Variants in PDPK1 observed in about 807,000 individuals in gnomAD.
PDPK1 encodes 3-phosphoinositide dependent protein kinase 1, also known as 3-phosphoinositide-dependent protein kinase 1.
In PDPK1, 7 loss-of-function variants were observed where a neutral mutation model predicts 39.8. The observed-to-expected ratio is 0.18, with a 90% CI of 0.10 to 0.33. The LOEUF is 0.33. Ranked by LOEUF, PDPK1 falls within the 10% of genes least tolerant of loss-of-function variation. The pLI, the probability that PDPK1 is intolerant of heterozygous loss-of-function variation, is 1.00. For synonymous variants in PDPK1, 118 were observed against 159.1 expected (o/e 0.74, Z 1.95); for missense variants, 182 against 384.7 (o/e 0.47, Z 4.41).
intron 1 of PDPK1, chr16:2,539,547 A>C (rs2066206248): frequency 6.6e-6 from 1 of 152,202 alleles, no homozygotes; most frequent in Admixed American, 6.5e-5. Context: ...AACTTTCTGC[A>C]GCTCACTCGT....
chr16:2,552,432 A>C lies in PDPK1; in HGVS notation c.25-5271A>C, dbSNP rs1399321868. Among the ~76,000 whole-genome samples the C allele has an allele frequency of 4.0e-5, 6 of 151,812 alleles. 1 individual carries two copies. Among genetic ancestry groups the C allele is most frequent in the Admixed American group, 1.3e-4 (2 of 15,234 alleles). On this transcript the variant is annotated intron_variant, in intron 1 of 13. Transcript: ENST00000342085. ...CATTTTTACAAGTTCCAATTTGTTT[A>C]AAACTCAGGGTTTGTTTTCCTATCA...
chr16:2,601,555 A>T lies in PDPK1; in HGVS notation c.*3788A>T, dbSNP rs570686169. 8 of 234,498 alleles carry T rather than the reference A, an allele frequency of 3.4e-5. No homozygotes were observed. Among genetic ancestry groups the T allele is most frequent in the African/African-American group, 1.5e-4 (7 of 45,458 alleles). 14.5% of individuals were successfully genotyped at this position (234,498 alleles called of 1,614,324 possible). ...ACAAGTGTTGAACTGACCTTGCCAC[A>T]TGCTTAGTGAGTGATTTGTAATTAA... On this transcript the variant is annotated 3_prime_UTR_variant, in exon 14 of 14. Coordinates refer to ENST00000342085, the MANE Select transcript of PDPK1 (RefSeq NM_002613.5).
At chr16:2,586,979 C>CA (rs1488867295) in intron 11 of PDPK1, 86 bp downstream of exon 11, 1 of 1,117,138 alleles carries the variant, frequency 9.0e-7, no homozygotes, top group African/African-American at 1.5e-5. Flanking sequence ...TTTGCCTTGT[C>CA]ACTGCCTCCC....
Position 2,603,186 on chromosome 16 carries a change from G to A in PDPK1, c.*5419G>A, listed in dbSNP as rs2067255775. 1 of 211,120 alleles carries A rather than the reference G, an allele frequency of 4.7e-6. No homozygotes were observed. The highest frequency in any genetic ancestry group is 5.9e-5 in the Admixed American group (1 of 17,014). The allele number at this position is 211,120 out of a possible 1,614,324, so 13.1% of individuals were successfully genotyped here. On this transcript the variant is annotated 3_prime_UTR_variant, in exon 14 of 14. Transcript: ENST00000342085. ...TCTTGTAATAAAAAGCATGTAGAGT[G>A]TAGAGGTTTGCTGGCGTGGCTCTTC...
At chr16:2,541,555 G>A (rs1388548245) in intron 1 of PDPK1, among the ~76,000 whole-genome samples, 1 of 152,196 alleles carries the variant, frequency 6.6e-6, no homozygotes, top group East Asian at 1.9e-4. Flanking sequence ...GAGAAGCCCT[G>A]GGTGCAGAAA....
Position 2,597,068 on chromosome 16 carries a change from G to A in PDPK1, c.1402-55G>A. The A allele has an allele frequency of 6.9e-7, 1 of 1,452,090 alleles. No homozygotes were observed. Among genetic ancestry groups the A allele is most frequent in the Non-Finnish European group, 9.3e-7 (1 of 1,079,344 alleles). The allele number at this position is 1,452,090 out of a possible 1,614,324, so 90.0% of individuals were successfully genotyped here. On this transcript the variant is annotated intron_variant, in intron 12 of 13. Transcript: ENST00000342085. This position sits in a 1 kb window ranked among gnomAD's most constrained non-coding sequence, Gnocchi z 6.3. The stretch of plus-strand genomic sequence containing the variant: ...GGGCCGCCCAGCCCTCTAGGCTCCA[G>A]GAGATGCCGTCAGCACTGGCCTCTG...
rs2066168847 is a variant in PDPK1 at position 2,538,042 on chromosome 16, G to GGAGGAGGACGCT, written c.-63_-52dup. On this transcript the variant is annotated 5_prime_UTR_variant, in exon 1 of 14. Transcript: ENST00000342085. ...GGCCATTGCTGGGGCTCCGCTTCGG[G>GGAGGAGGACGCT]GAGGAGGACGCTGAGGAGGCGCCGA... 17 of 726,998 alleles carry GGAGGAGGACGCT rather than the reference G, an allele frequency of 2.3e-5. No individual in the cohort carries two copies. Among genetic ancestry groups the GGAGGAGGACGCT allele is most frequent in the Non-Finnish European group, 2.7e-5 (16 of 583,140 alleles). 45.0% of individuals were successfully genotyped at this position (726,998 alleles called of 1,614,324 possible).
chr16:2,584,857 A>G (rs766165114), intron 10 of PDPK1, among the ~76,000 whole-genome samples: 1 of 152,156 alleles, frequency 6.6e-6, no homozygotes, highest in Non-Finnish European at 1.5e-5. Flanking sequence ...GCTTTCATGT[A>G]TGCAGAGGCC....
rs752529981 is a variant in PDPK1, at chr16:2,598,006, G to T, written c.*239G>T. Reference sequence around the variant, plus strand: ...TCGCTTTGCTTGCTCTCTGTGCTCCGTGGAGGCCTCCGTGTGCCCTCGTTG... The same window carrying T: ...TCGCTTTGCTTGCTCTCTGTGCTCCTTGGAGGCCTCCGTGTGCCCTCGTTG... On this transcript the variant is annotated 3_prime_UTR_variant, in exon 14 of 14. Transcript: ENST00000342085. 2 of 544,050 alleles carry T rather than the reference G, an allele frequency of 3.7e-6. No homozygotes were observed. Among genetic ancestry groups the T allele is most frequent in the East Asian group, 6.1e-5 (2 of 32,630 alleles). The allele number at this position is 544,050 out of a possible 1,614,324, so 33.7% of individuals were successfully genotyped here. A position where few individuals can be genotyped will look rare whatever the true frequency, so the allele number is the denominator to read the frequency against.
At position 2,586,897 on chromosome 16, in the gene PDPK1, A is replaced by G; in HGVS notation, c.1343+4A>G. On this transcript the variant is annotated splice_donor_region_variant and intron_variant, in intron 11 of 13. Coordinates refer to ENST00000342085, the MANE Select transcript of PDPK1 (RefSeq NM_002613.5). ...AGCAGGCTGGCGGAAACCCTTGGTA[A>G]GAACTTATGGACATAAGCAATGCTT... 6.2e-7 allele frequency: 1 copy of G among 1,613,144 alleles called. No individual in the cohort carries two copies. The highest frequency in any genetic ancestry group is 2.2e-5 in the East Asian group (1 of 44,890).
intron 1 of PDPK1, among the ~76,000 whole-genome samples, chr16:2,542,662 C>T (rs936958584): frequency 5.9e-5 from 9 of 152,254 alleles, no homozygotes; most frequent in Admixed American, 5.9e-4. Flanking sequence ...CAGTGACTTC[C>T]GTCATTCCAC....
chr16:2,577,736 T>C (rs2066742276), intron 7 of PDPK1, among the ~76,000 whole-genome samples: 1 of 149,722 alleles, frequency 6.7e-6, no homozygotes, highest in Admixed American at 6.6e-5. Context: ...GGGTTTTTTT[T>C]GTTTTTGTTT....
At position 2,538,034 on chromosome 16, in the gene PDPK1, C is replaced by A. The variant is rs1329496243; in HGVS notation, c.-79C>A. 5 of 627,544 alleles carry A rather than the reference C, an allele frequency of 8.0e-6. No individual in the cohort carries two copies. In the African/African-American group the frequency reaches 1.0e-4, roughly 13 times the overall value. 38.9% of individuals were successfully genotyped at this position (627,544 alleles called of 1,614,324 possible). The stretch of plus-strand genomic sequence containing the variant: ...ATGAGGGCGGCCATTGCTGGGGCTC[C>A]GCTTCGGGGAGGAGGACGCTGAGGA... On this transcript the variant is annotated 5_prime_UTR_variant, in exon 1 of 14. Transcript: ENST00000342085.
In PDPK1 at chr16:2,598,255, C is replaced by T. The variant is rs758382220; in HGVS notation, c.*488C>T. On this transcript the variant is annotated 3_prime_UTR_variant, in exon 14 of 14. Transcript: ENST00000342085. ...ACCAGGGAGGGAGCCCTGCGGGGGC[C>T]GCAGCTTTGTGGAGGGAGCCGCCGT... The T allele has an allele frequency of 5.5e-5, 13 of 234,450 alleles. No individual in the cohort carries two copies. Among genetic ancestry groups the T allele is most frequent in the Non-Finnish European group, 7.6e-5 (9 of 118,914 alleles). 14.5% of individuals were successfully genotyped at this position (234,450 alleles called of 1,614,324 possible). A position where few individuals can be genotyped will look rare whatever the true frequency, so the allele number is the denominator to read the frequency against.
At chr16:2,586,458 C>G (rs2066877089) in intron 10 of PDPK1, among the ~76,000 whole-genome samples, 1 of 152,280 alleles carries the variant, frequency 6.6e-6, no homozygotes, top group Non-Finnish European at 1.5e-5. Context: ...GCCCTGATTC[C>G]CATGGGAAGA....
At chr16:2,591,639 G>A (rs2066992265) in intron 11 of PDPK1, among the ~76,000 whole-genome samples, 1 of 152,192 alleles carries the variant, frequency 6.6e-6, no homozygotes. Context: ...TGTTTGCCGT[G>A]TTCTTCCGCC....
At chr16:2,544,068 TA>T (rs528680166) in intron 1 of PDPK1, among the ~76,000 whole-genome samples, 1 of 151,776 alleles carries the variant, frequency 6.6e-6, no homozygotes, top group Non-Finnish European at 1.5e-5. Context: ...ATCATGACAA[TA>T]AAAAAAAGTC....
Position 2,597,408 on chromosome 16 carries a change from A to T in PDPK1, c.1554+133A>T. The T allele has an allele frequency of 1.2e-6, 1 of 837,178 alleles. No individual in the cohort carries two copies. The highest frequency in any genetic ancestry group is 1.9e-6 in the Non-Finnish European group (1 of 522,098). 51.9% of individuals were successfully genotyped at this position (837,178 alleles called of 1,614,324 possible). On this transcript the variant is annotated intron_variant, in intron 13 of 13. Coordinates refer to ENST00000342085, the MANE Select transcript of PDPK1 (RefSeq NM_002613.5). The surrounding 1 kb of genome is among the most constrained non-coding windows in gnomAD (Gnocchi z 6.3). ...GCTGCCTCGCCCTTTCCGACATCCC[A>T]GACGCCCACACTAGTGGCTCAGTCC...
chr16:2,594,183 T>G (rs1314565312), intron 11 of PDPK1: 1 of 152,320 alleles, frequency 6.6e-6, no homozygotes, highest in Non-Finnish European at 1.5e-5. Flanking sequence ...TGGCCCTGTG[T>G]GCAGCCAGGC....
Sources: gnomAD v4.1 joint callset for allele counts (sites outside exome capture counted in the v4.1 genomes callset) on GRCh38, gnomAD v4.1.1 for gene constraint, Gnocchi (gnomAD v3.1) non-coding constraint, MANE v1.5 for transcripts, NCBI Gene and HGNC (gene_info 2026-07-23, HGNC 2026-07-21) for gene names.